Variants in NEK1 observed in about 807,000 individuals in gnomAD.
The protein encoded by NEK1 is NIMA related kinase 1, also known as serine/threonine-protein kinase Nek1.
In NEK1, 137 loss-of-function variants were observed where a neutral mutation model predicts 182.1. The observed-to-expected ratio is 0.75, with a 90% CI of 0.65 to 0.87. NEK1 has a LOEUF of 0.87. Among genes scored for constraint, NEK1 ranks in the 40% least tolerant of loss-of-function variants. The pLI is 0.00. For synonymous variants in NEK1, 513 were observed against 492.2 expected, an observed-to-expected ratio of 1.04 and a Z score of -0.56; for missense variants, 1,391 against 1,494.4, an observed-to-expected ratio of 0.93 and a Z score of 1.14.
intron 27 of NEK1, among the ~76,000 whole-genome samples, chr4:169,455,241 T>G (rs10866340): frequency 0.83 from 126,014 of 152,008 alleles, 52,807 homozygotes; most frequent in East Asian, 0.96. Context: ...ATGAGTTGAT[T>G]GGTGCAGCAA....
At chr4:169,493,831 G>A (rs1750586808) in intron 23 of NEK1, among the ~76,000 whole-genome samples, 2 of 152,146 alleles carry the variant, frequency 1.3e-5, no homozygotes, top group Non-Finnish European at 2.9e-5. Context: ...ATTCCTGAGA[G>A]AGAAAAACAG....
intron 4 of NEK1, among the ~76,000 whole-genome samples, chr4:169,600,736 T>C (rs536699228): frequency 2.1e-4 from 32 of 152,302 alleles, no homozygotes; most frequent in African/African-American, 6.5e-4. Context: ...TATATGTATA[T>C]AGATGTTATA....
At chr4:169,509,130 T>C (rs979962437) in intron 19 of NEK1, among the ~76,000 whole-genome samples, 12 of 150,952 alleles carry the variant, frequency 7.9e-5, no homozygotes, top group Admixed American at 1.3e-4. Flanking sequence ...TGTTTGCTTG[T>C]TTGTTTGTTT....
intron 2 of NEK1, among the ~76,000 whole-genome samples, chr4:169,608,263 GTCCAGAAATCAAAAAACTT>G (rs1383128591): frequency 2.0e-5 from 3 of 152,018 alleles, no homozygotes; most frequent in Non-Finnish European, 2.9e-5. Context: ...ATCACAGGAA[GTCCAGAAATCAAAAAACTT>G]TTAAAACTTG....
At chr4:169,445,863 T>TATATATATATATATAC (rs1554034324) in intron 27 of NEK1, among the ~76,000 whole-genome samples, 5 of 130,908 alleles carry the variant, frequency 3.8e-5, no homozygotes, top group African/African-American at 1.5e-4. Context: ...TATATATATA[T>TATATATATATATATAC]ATACACACAC....
Position 169,566,772 on chromosome 4 carries a change from G to A in NEK1, c.1021-4576C>T, listed in dbSNP as rs372091474. ...ACCTAAAAGATGCTTTAATTTCCAGGGGGAAAAGAAGTCTTTTAAAAAAAT... is the reference window on the plus strand; with the variant it reads ...ACCTAAAAGATGCTTTAATTTCCAGAGGGAAAAGAAGTCTTTTAAAAAAAT... On this transcript the variant is annotated intron_variant, in intron 12 of 35. Coordinates refer to ENST00000507142, the MANE Select transcript of NEK1 (RefSeq NM_001199397.3). 3.9e-5 allele frequency among the ~76,000 whole-genome samples: 6 copies of A among 152,204 alleles called. No homozygotes were observed. In the East Asian group the frequency reaches 9.7e-4, roughly 24 times the overall value.
At chr4:169,464,205 A>G (rs1744506248) in intron 26 of NEK1, among the ~76,000 whole-genome samples, 1 of 152,132 alleles carries the variant, frequency 6.6e-6, no homozygotes, top group Non-Finnish European at 1.5e-5. Context: ...GAGACATACC[A>G]TTACAGTGAA....
At chr4:169,478,434 G>A (rs1230742513) in intron 24 of NEK1, 15 of 151,990 alleles carry the variant, frequency 9.9e-5, no homozygotes, top group Admixed American at 9.8e-4. Flanking sequence ...TACCAAGGAG[G>A]GACCACACAG....
At chr4:169,548,258 A>C (rs923750579) in intron 18 of NEK1, among the ~76,000 whole-genome samples, 7 of 152,092 alleles carry the variant, frequency 4.6e-5, no homozygotes, top group Non-Finnish European at 7.4e-5. Flanking sequence ...CTAGAGGTCC[A>C]CTCCAGACTG....
intron 18 of NEK1, among the ~76,000 whole-genome samples, chr4:169,552,976 C>T (rs1488665367): frequency 2.6e-5 from 4 of 152,196 alleles, no homozygotes; most frequent in Non-Finnish European, 4.4e-5. Context: ...GATTGAATAT[C>T]GTCAAGATGT....
At chr4:169,424,286 G>A (rs147038870) in intron 31 of NEK1, among the ~76,000 whole-genome samples, 3 of 152,230 alleles carry the variant, frequency 2.0e-5, no homozygotes, top group South Asian at 4.2e-4. Context: ...GTGGGAAAGA[G>A]CAATAGTGCA....
At chr4:169,512,256 T>C (rs1289418310) in intron 19 of NEK1, among the ~76,000 whole-genome samples, 3 of 152,158 alleles carry the variant, frequency 2.0e-5, no homozygotes, top group Non-Finnish European at 4.4e-5. Flanking sequence ...GGTGACCAGT[T>C]TCTTCAAAAC....
intron 19 of NEK1, among the ~76,000 whole-genome samples, chr4:169,512,836 A>G (rs968296685): frequency 6.6e-6 from 1 of 152,090 alleles, no homozygotes; most frequent in Non-Finnish European, 1.5e-5. Flanking sequence ...CTCCCACAAT[A>G]ATATTGAAAA....
chr4:169,423,531 T>C (rs780804110), intron 31 of NEK1, among the ~76,000 whole-genome samples: 8 of 152,180 alleles, frequency 5.3e-5, no homozygotes, highest in Non-Finnish European at 1.2e-4. Context: ...TACAAATCAA[T>C]AACATTACTC....
At chr4:169,408,749 C>A (rs1304791764) in intron 31 of NEK1, among the ~76,000 whole-genome samples, 3 of 152,184 alleles carry the variant, frequency 2.0e-5, no homozygotes, top group African/African-American at 7.2e-5. Context: ...TGAGTTACTT[C>A]ACTTAGAATA....
chr4:169,487,557 C>G (rs1215273358), intron 23 of NEK1, among the ~76,000 whole-genome samples: 2 of 152,200 alleles, frequency 1.3e-5, no homozygotes, highest in African/African-American at 4.8e-5. Flanking sequence ...TTTATCCAGT[C>G]TATCACTGAT....
At chr4:169,424,216 C>T (rs1346748772) in intron 31 of NEK1, among the ~76,000 whole-genome samples, 1 of 152,054 alleles carries the variant, frequency 6.6e-6, no homozygotes, top group Non-Finnish European at 1.5e-5. Flanking sequence ...GCACCTCTGT[C>T]TATTTAAGAT....
chr4:169,404,447 G>A (rs2111069475), intron 32 of NEK1, among the ~76,000 whole-genome samples: 1 of 152,226 alleles, frequency 6.6e-6, no homozygotes, highest in South Asian at 2.1e-4. Context: ...AATAAAATGT[G>A]CCAGCGGCAT....
chr4:169,599,062 T>A, intron 5 of NEK1, 38 bp downstream of exon 5: 1 of 1,497,646 alleles, frequency 6.7e-7, no homozygotes, highest in Non-Finnish European at 9.3e-7. Context: ...TACTTCTCAA[T>A]AATAGAGTAA....
Sources: gnomAD v4.1 joint callset for allele counts (sites outside exome capture counted in the v4.1 genomes callset) on GRCh38, gnomAD v4.1.1 for gene constraint, MANE v1.5 for transcripts, NCBI Gene and HGNC (gene_info 2026-07-23, HGNC 2026-07-21) for gene names.